Variants in SYN3 observed in about 807,000 individuals in gnomAD.
SYN3 encodes the protein synapsin-3.
Under a neutral mutation model 65.8 loss-of-function variants are expected in SYN3, and 35 were observed. The observed-to-expected ratio is 0.53, with a 90% CI of 0.41 to 0.70. SYN3 has a LOEUF of 0.70. Ranked by LOEUF, SYN3 falls within the 30% of genes least tolerant of loss-of-function variation. The pLI is 0.00. For missense variants in SYN3, 680 were observed against 749.0 expected, an observed-to-expected ratio of 0.91 and a Z score of 1.08; for synonymous variants, 270 against 292.9, an observed-to-expected ratio of 0.92 and a Z score of 0.80.
chr22:32,614,726 G>A (rs2059491093), intron 6 of SYN3, among the ~76,000 whole-genome samples: 2 of 152,260 alleles, frequency 1.3e-5, no homozygotes, highest in East Asian at 1.9e-4. Flanking sequence ...ACAAAAGGCC[G>A]AAGGCATTAC....
At chr22:33,017,438 G>T (rs1054227842) in intron 1 of SYN3, among the ~76,000 whole-genome samples, 2 of 152,060 alleles carry the variant, frequency 1.3e-5, no homozygotes, top group African/African-American at 4.8e-5. Context: ...ATGTTGATAG[G>T]GATTGCATTG....
At chr22:32,980,621 G>T (rs2145650230) in intron 3 of SYN3, 24 bp downstream of exon 3, 1 of 1,612,256 alleles carries the variant, frequency 6.2e-7, no homozygotes, top group East Asian at 2.2e-5. Flanking sequence ...AGTTGACAGT[G>T]CTAAAGACAC....
intron 7 of SYN3, among the ~76,000 whole-genome samples, chr22:32,559,462 C>A (rs981927477): frequency 6.6e-6 from 1 of 152,194 alleles, no homozygotes; most frequent in Non-Finnish European, 1.5e-5. Flanking sequence ...GATGGTCAGG[C>A]AGTTTTTAAT....
intron 6 of SYN3, among the ~76,000 whole-genome samples, chr22:32,642,497 G>A (rs990419997): frequency 3.3e-5 from 5 of 151,270 alleles, no homozygotes; most frequent in Non-Finnish European, 5.9e-5. Context: ...CTGGAGTGCA[G>A]TGGCGCAATC....
chr22:32,638,708 A>T (rs1569113488), intron 6 of SYN3, among the ~76,000 whole-genome samples: 1 of 152,144 alleles, frequency 6.6e-6, no homozygotes, highest in Non-Finnish European at 1.5e-5. Context: ...TAGATTCCAC[A>T]TATTAGACCT....
chr22:32,577,115 C>A (rs1406344609), intron 7 of SYN3, among the ~76,000 whole-genome samples: 1 of 152,114 alleles, frequency 6.6e-6, no homozygotes, highest in Non-Finnish European at 1.5e-5. Flanking sequence ...TGGGATTAGG[C>A]CCTGGGCAGA....
chr22:32,807,341 A>ATATATAATATATAT, intron 6 of SYN3, among the ~76,000 whole-genome samples: 2 of 4,898 alleles, frequency 4.1e-4, no homozygotes, highest in East Asian at 5.7e-3. Context: ...TTTATATATA[A>ATATATAATATATAT]TATATAAATA....
chr22:32,513,537 A>G lies in SYN3; in HGVS notation c.*155T>C. ...GTCACGGTGAAGGAAAATGGGAACA[A>G]ATATAGATAATCGGTTCCTGGGTCA... On this transcript the variant is annotated 3_prime_UTR_variant, in exon 14 of 14. Transcript: ENST00000358763. The G allele has an allele frequency of 9.7e-7, 1 of 1,031,514 alleles. No individual in the cohort carries two copies. Among genetic ancestry groups the G allele is most frequent in the East Asian group, 2.5e-5 (1 of 40,578 alleles). The allele number at this position is 1,031,514 out of a possible 1,614,324, so 63.9% of individuals were successfully genotyped here.
chr22:32,813,686 T>A (rs968753430), intron 6 of SYN3, among the ~76,000 whole-genome samples: 6 of 151,484 alleles, frequency 4.0e-5, no homozygotes, highest in Admixed American at 2.6e-4. Context: ...TGGCAAAATG[T>A]GTCCTGCATT....
At chr22:32,993,983 C>A (rs2052802455) in intron 2 of SYN3, among the ~76,000 whole-genome samples, 1 of 151,984 alleles carries the variant, frequency 6.6e-6, no homozygotes, top group Non-Finnish European at 1.5e-5. Flanking sequence ...AAGCTCTCCC[C>A]TAAGACTCCA....
chr22:32,766,245 A>G (rs2045623075), intron 6 of SYN3, among the ~76,000 whole-genome samples: 1 of 152,206 alleles, frequency 6.6e-6, no homozygotes, highest in Non-Finnish European at 1.5e-5. Context: ...TGTGCTTTCC[A>G]TGACCCCAGC....
intron 6 of SYN3, among the ~76,000 whole-genome samples, chr22:32,836,763 A>G (rs925309494): frequency 3.9e-5 from 6 of 152,314 alleles, no homozygotes; most frequent in African/African-American, 1.4e-4. Flanking sequence ...ACAACCTTAC[A>G]GAATGAAGCT....
chr22:32,620,282 G>A (rs1192943144), intron 6 of SYN3, among the ~76,000 whole-genome samples: 1 of 152,114 alleles, frequency 6.6e-6, no homozygotes, highest in East Asian at 1.9e-4. Context: ...TGCCTTCAGG[G>A]GCTTTGAGTG....
In SYN3 at chr22:32,946,765, G is replaced by T. The variant is rs150528759; in HGVS notation, c.370-15284C>A. 7.9e-5 allele frequency among the ~76,000 whole-genome samples: 12 copies of T among 152,204 alleles called. No homozygotes were observed. In the East Asian group the frequency reaches 2.3e-3, roughly 29 times the overall value. ...ATAATATATTGCTTTAGTAAATGAAGATGGCTGCATGTAATTCTGATTGTT... is the reference window on the plus strand; with the variant it reads ...ATAATATATTGCTTTAGTAAATGAATATGGCTGCATGTAATTCTGATTGTT... On this transcript the variant is annotated intron_variant, in intron 3 of 13. Coordinates refer to ENST00000358763, the MANE Select transcript of SYN3 (RefSeq NM_003490.4).
At chr22:33,056,972 C>T (rs903630508) in intron 1 of SYN3, among the ~76,000 whole-genome samples, 6 of 152,202 alleles carry the variant, frequency 3.9e-5, no homozygotes, top group African/African-American at 1.4e-4. Context: ...GATGACAAGA[C>T]TGAGGTCACA....
intron 3 of SYN3, among the ~76,000 whole-genome samples, chr22:32,971,228 G>T (rs2052009446): frequency 6.6e-6 from 1 of 152,194 alleles, no homozygotes; most frequent in African/African-American, 2.4e-5. Context: ...CCATGGTTAG[G>T]AAGGGAAACA....
At chr22:32,998,230 T>C (rs139188750) in intron 2 of SYN3, among the ~76,000 whole-genome samples, 9 of 152,150 alleles carry the variant, frequency 5.9e-5, no homozygotes, top group African/African-American at 1.4e-4. Flanking sequence ...TAGGTGATGA[T>C]CATACAGCGT....
intron 3 of SYN3, among the ~76,000 whole-genome samples, chr22:32,934,038 T>C (rs1046863667): frequency 2.0e-5 from 3 of 152,188 alleles, no homozygotes; most frequent in Admixed American, 6.5e-5. Flanking sequence ...AAAAGATCAC[T>C]GTGAATGAGT....
At chr22:32,692,129 G>C (rs1284123031) in intron 6 of SYN3, among the ~76,000 whole-genome samples, 3 of 87,080 alleles carry the variant, frequency 3.4e-5, no homozygotes, top group Non-Finnish European at 6.3e-5. Flanking sequence ...GTTTGTCATT[G>C]ATACAAAAAA....
Sources: allele counts gnomAD v4.1 joint callset (sites outside exome capture counted in the v4.1 genomes callset), GRCh38; gene constraint gnomAD v4.1.1; transcripts MANE v1.5; gene names NCBI Gene and HGNC (gene_info 2026-07-23, HGNC 2026-07-21).